LEKR1: variants seen among roughly 807,000 people sequenced by gnomAD.
LEKR1 encodes protein LEKR1.
A neutral mutation model predicts 72.4 loss-of-function variants in LEKR1; 59 were observed. The ratio of observed to expected loss-of-function variants is 0.82; its 90% CI spans 0.66 to 1.01. LEKR1 has a LOEUF of 1.01. LEKR1 is among the 50% of genes least tolerant of loss of function. LEKR1 has a pLI of 0.00. For synonymous variants in LEKR1, 257 were observed against 263.2 expected, an observed-to-expected ratio of 0.98 and a Z score of 0.23; for missense variants, 728 against 759.2, an observed-to-expected ratio of 0.96 and a Z score of 0.48.
Position 156,906,324 on chromosome 3 carries a change from T to TA in LEKR1, c.264-14250dup, listed in dbSNP as rs1228781765. Among the ~76,000 whole-genome samples the TA allele has an allele frequency of 5.3e-5, 8 of 152,210 alleles. No individual in the cohort carries two copies. The South Asian group carries it at 8.3e-4, about 16-fold the overall frequency. On this transcript the variant is annotated intron_variant, in intron 3 of 12. Coordinates refer to ENST00000356539, the MANE Select transcript of LEKR1 (RefSeq NM_001004316.3). The stretch of plus-strand genomic sequence containing the variant: ...TGATTCTCACATTATCCATTTTAAT[T>TA]ATGTTAACTAAGAAAAACTGAGAAA...
At chr3:156,995,829 A>AAAAT (rs766804549) in intron 9 of LEKR1, among the ~76,000 whole-genome samples, 1 of 152,190 alleles carries the variant, frequency 6.6e-6, no homozygotes, top group Admixed American at 6.5e-5. Context: ...ACTCTGTCTC[A>AAAAT]AAATAAATAA....
intron 2 of LEKR1, among the ~76,000 whole-genome samples, chr3:156,840,700 A>G (rs1322723754): frequency 6.6e-6 from 1 of 152,248 alleles, no homozygotes; most frequent in Admixed American, 6.5e-5. Flanking sequence ...CTTCAGATTT[A>G]TGTAAACTGT....
intron 6 of LEKR1, among the ~76,000 whole-genome samples, chr3:156,948,183 AT>A (rs1726846124): frequency 6.6e-6 from 1 of 151,146 alleles, no homozygotes; most frequent in African/African-American, 2.4e-5. Flanking sequence ...TAATGCTATT[AT>A]ATGTTCTTTA....
chr3:156,908,473 C>G (rs2108567058), intron 3 of LEKR1, among the ~76,000 whole-genome samples: 1 of 152,200 alleles, frequency 6.6e-6, no homozygotes, highest in East Asian at 1.9e-4. Flanking sequence ...GACTCATTCA[C>G]TTTAATTTTT....
chr3:156,852,764 C>T lies in LEKR1; in HGVS notation c.49-4C>T. ...ATTTGGTAAGTGTATGTTCTGTTTC[C>T]TAGATGTTGCCTGAAGAAAAAGTTT... On this transcript the variant is annotated splice_polypyrimidine_tract_variant and splice_region_variant and intron_variant, in intron 2 of 12. Coordinates refer to ENST00000356539, the MANE Select transcript of LEKR1 (RefSeq NM_001004316.3). The T allele has an allele frequency of 6.7e-7, 1 of 1,488,490 alleles. No homozygotes were observed. Among genetic ancestry groups the T allele is most frequent in the South Asian group, 1.3e-5 (1 of 78,478 alleles). 92.2% of individuals were successfully genotyped at this position (1,488,490 alleles called of 1,614,324 possible).
intron 3 of LEKR1, 151 bp from the exon 4 acceptor site, chr3:156,920,424 C>T: frequency 3.9e-6 from 2 of 511,142 alleles, no homozygotes; most frequent in Non-Finnish European, 6.6e-6. Context: ...GATTTGGTCT[C>T]TCCATATTTT....
At chr3:156,861,685 CAG>C in intron 3 of LEKR1, among the ~76,000 whole-genome samples, 1 of 152,168 alleles carries the variant, frequency 6.6e-6, no homozygotes, top group East Asian at 1.9e-4. Flanking sequence ...CCAGTAGACA[CAG>C]GGCCATTAAA....
intron 3 of LEKR1, among the ~76,000 whole-genome samples, chr3:156,914,893 C>G (rs1284006382): frequency 6.6e-6 from 1 of 152,092 alleles, no homozygotes; most frequent in East Asian, 1.9e-4. Flanking sequence ...CACCCAAGTA[C>G]TAGGCCTAGT....
intron 12 of LEKR1, among the ~76,000 whole-genome samples, chr3:157,033,684 A>G (rs1734776104): frequency 6.6e-6 from 1 of 152,202 alleles, no homozygotes; most frequent in African/African-American, 2.4e-5. Context: ...ATCCAGATCT[A>G]GCTAAGATCA....
chr3:157,009,047 T>C (rs1391499803), intron 9 of LEKR1, among the ~76,000 whole-genome samples: 1 of 152,144 alleles, frequency 6.6e-6, no homozygotes, highest in African/African-American at 2.4e-5. Flanking sequence ...ATTTAATAAA[T>C]GTTAAAAATA....
intron 6 of LEKR1, among the ~76,000 whole-genome samples, chr3:156,966,175 G>A (rs1728560788): frequency 6.6e-6 from 1 of 152,166 alleles, no homozygotes; most frequent in Middle Eastern, 3.2e-3. Context: ...AATAGGAACA[G>A]CTCCAGTCCA....
intron 9 of LEKR1, among the ~76,000 whole-genome samples, chr3:157,006,806 A>G (rs1732472845): frequency 6.6e-6 from 1 of 152,264 alleles, no homozygotes; most frequent in South Asian, 2.1e-4. Context: ...CAGAATATAC[A>G]GTATTTCAGA....
chr3:156,933,326 G>T (rs1446826412), intron 5 of LEKR1, among the ~76,000 whole-genome samples: 3 of 152,036 alleles, frequency 2.0e-5, no homozygotes, highest in Non-Finnish European at 2.9e-5. Context: ...ATACCTAGGA[G>T]TGGAATGGCT....
chr3:156,993,774 C>T (rs17383524), intron 9 of LEKR1, among the ~76,000 whole-genome samples: 13,323 of 152,186 alleles, frequency 0.088, 793 homozygotes, highest in Admixed American at 0.18. Context: ...CTAAGAAGTA[C>T]ATTGGTCCAG....
chr3:156,859,831 T>A (rs1716557047), intron 3 of LEKR1, among the ~76,000 whole-genome samples: 1 of 152,232 alleles, frequency 6.6e-6, no homozygotes, highest in Non-Finnish European at 1.5e-5. Context: ...TGTTGGTGTT[T>A]GGCTGGAGTA....
chr3:156,912,664 T>C (rs545083552), intron 3 of LEKR1, among the ~76,000 whole-genome samples: 2 of 152,360 alleles, frequency 1.3e-5, no homozygotes, highest in East Asian at 3.9e-4. Context: ...GAATTTCAGT[T>C]GGTAGCTTCT....
chr3:157,003,284 A>G (rs1259019942), intron 9 of LEKR1, among the ~76,000 whole-genome samples: 2 of 152,206 alleles, frequency 1.3e-5, no homozygotes, highest in Non-Finnish European at 2.9e-5. Context: ...AGCTTGATCA[A>G]GTTACTATCA....
chr3:156,992,227 T>C (rs1321410280), intron 7 of LEKR1, among the ~76,000 whole-genome samples: 1 of 152,208 alleles, frequency 6.6e-6, no homozygotes, highest in Non-Finnish European at 1.5e-5. Flanking sequence ...CCAGAAAGAC[T>C]GACGATTTCT....
chr3:157,032,760 G>A (rs1734704832), intron 12 of LEKR1, among the ~76,000 whole-genome samples: 1 of 152,124 alleles, frequency 6.6e-6, no homozygotes, highest in African/African-American at 2.4e-5. Context: ...CTAGATGCAG[G>A]CATAACTTGT....
Sources: gnomAD v4.1 joint callset for allele counts (sites outside exome capture counted in the v4.1 genomes callset) on GRCh38, gnomAD v4.1.1 for gene constraint, MANE v1.5 for transcripts, NCBI Gene and HGNC (gene_info 2026-07-23, HGNC 2026-07-21) for gene names.